Variants in XPO5 observed in about 807,000 individuals in gnomAD.
The protein encoded by XPO5 is exportin 5.
A neutral mutation model predicts 160.6 loss-of-function variants in XPO5; 46 were observed. The observed-to-expected ratio is 0.29, with a 90% CI of 0.23 to 0.37. The LOEUF (loss-of-function observed/expected upper bound fraction) is 0.37. Ranked by LOEUF, XPO5 falls within the 10% of genes least tolerant of loss-of-function variation. XPO5 has a pLI of 1.00. For missense variants in XPO5, 1,090 were observed against 1,463.9 expected (o/e 0.74, Z 4.17); for synonymous variants, 537 against 519.3 (o/e 1.03, Z -0.46).
chr6:43,546,787 A>C, intron 19 of XPO5, 35 bp from the exon 20 acceptor site: 1 of 1,504,782 alleles, frequency 6.6e-7, no homozygotes, highest in South Asian at 1.3e-5. Context: ...TAAATATTAA[A>C]AGGAAAAAAA....
At chr6:43,525,771 C>A in intron 28 of XPO5, 68 bp downstream of exon 28, 1 of 1,526,448 alleles carries the variant, frequency 6.6e-7, no homozygotes, top group South Asian at 1.2e-5. Context: ...CACCATAGAG[C>A]AAGAAAAGTA....
chr6:43,523,592 A>C lies in XPO5; in HGVS notation c.*276T>G. 1.6e-6 allele frequency: 1 copy of C among 638,552 alleles called. No individual in the cohort carries two copies. Among genetic ancestry groups the C allele is most frequent in the Non-Finnish European group, 3.0e-6 (1 of 334,494 alleles). 39.6% of individuals were successfully genotyped at this position (638,552 alleles called of 1,614,324 possible). Reference sequence around the variant, plus strand: ...TGTGGGAGAAGGGCTGCTCTGCTCTAGCTTTTCTTGGAAAAGCCAAATCTC... The same window carrying C: ...TGTGGGAGAAGGGCTGCTCTGCTCTCGCTTTTCTTGGAAAAGCCAAATCTC... On this transcript the variant is annotated 3_prime_UTR_variant, in exon 32 of 32. Coordinates refer to ENST00000265351, the MANE Select transcript of XPO5 (RefSeq NM_020750.3).
chr6:43,523,840 G>T lies in XPO5; in HGVS notation c.*28C>A. 1.2e-6 allele frequency: 2 copies of T among 1,613,986 alleles called. No individual in the cohort carries two copies. Among genetic ancestry groups the T allele is most frequent in the South Asian group, 2.2e-5 (2 of 91,082 alleles). The stretch of plus-strand genomic sequence containing the variant: ...AGGGAAAGAAGAGATGACAAGAAAG[G>T]CCGAGGAAGGATGCCCAAAAGCTTG... On this transcript the variant is annotated 3_prime_UTR_variant, in exon 32 of 32. Coordinates refer to ENST00000265351, the MANE Select transcript of XPO5 (RefSeq NM_020750.3).
rs372866945 is a variant in XPO5 at position 43,526,293 on chromosome 6, TAAGA to T, written c.2984-376_2984-373del. On this transcript the variant is annotated intron_variant, in intron 27 of 31. Coordinates refer to ENST00000265351, the MANE Select transcript of XPO5 (RefSeq NM_020750.3). ...TTTACATTCTAACATGGGAGATAGG[TAAGA>T]AAGGAATACATAAATAAAAACATAA... 64 of 358,454 alleles carry T rather than the reference TAAGA, an allele frequency of 1.8e-4. No individual in the cohort carries two copies. In the East Asian group the frequency reaches 2.3e-3, roughly 13 times the overall value. The allele number at this position is 358,454 out of a possible 1,614,324, so 22.2% of individuals were successfully genotyped here.
chr6:43,524,646 C>T lies in XPO5; in HGVS notation c.3313-11G>A. The T allele has an allele frequency of 6.2e-7, 1 of 1,611,776 alleles. No individual in the cohort carries two copies. Among genetic ancestry groups the T allele is most frequent in the Non-Finnish European group, 8.5e-7 (1 of 1,178,500 alleles). ...CAGGTACCTGGGGCGCTGATATCAGCAGGGATAAACTTACTGGATGTAGGT... is the reference window on the plus strand; with the variant it reads ...CAGGTACCTGGGGCGCTGATATCAGTAGGGATAAACTTACTGGATGTAGGT... On this transcript the variant is annotated splice_polypyrimidine_tract_variant and intron_variant, in intron 30 of 31. Transcript: ENST00000265351.
intron 9 of XPO5, 181 bp downstream of exon 9, chr6:43,562,066 T>C: frequency 2.2e-6 from 1 of 455,030 alleles, no homozygotes; most frequent in East Asian, 3.4e-5. Flanking sequence ...AAAAGAAATT[T>C]AGATCACTCA....
chr6:43,569,839 T>G (rs536092173), intron 5 of XPO5, among the ~76,000 whole-genome samples: 118 of 151,704 alleles, frequency 7.8e-4, no homozygotes, highest in African/African-American at 2.8e-3. Flanking sequence ...TCTCAGCACT[T>G]TGGGAGAGCA....
intron 30 of XPO5, 25 bp from the exon 31 acceptor site, chr6:43,524,660 C>G (rs777346837): frequency 6.2e-7 from 1 of 1,609,598 alleles, no homozygotes; most frequent in African/African-American, 1.3e-5. Flanking sequence ...GATAAACTTA[C>G]TGGATGTAGG....
Position 43,524,556 on chromosome 6 carries a change from C to A in XPO5, c.3392G>T (p.Cys1131Phe). Residue 1131 changes from cysteine (C) to phenylalanine (F), a missense_variant, in exon 31 of 32, where the codon TGC becomes TTC. By Grantham distance (205) the Cys-to-Phe change is radical. Coordinates refer to ENST00000265351, the MANE Select transcript of XPO5 (RefSeq NM_020750.3). ...IQKDSLDQFD[C>F]KLLNPSLQKV... is the part of the protein sequence containing the mutation. ...CTGCAGGGAGGGGTTTAAAAGCTTG[C>A]AGTCAAACTGGTCCAGTGAGTCCTT... is the stretch of plus-strand genomic sequence containing the variant. 2 of 1,613,998 alleles carry A rather than the reference C, an allele frequency of 1.2e-6. No individual in the cohort carries two copies. Among genetic ancestry groups the A allele is most frequent in the Non-Finnish European group, 1.7e-6 (2 of 1,179,904 alleles).
chr6:43,567,381 C>A, intron 6 of XPO5, 27 bp from the exon 7 acceptor site: 1 of 1,572,928 alleles, frequency 6.4e-7, no homozygotes, highest in Non-Finnish European at 8.6e-7. Flanking sequence ...AACTTTGGAC[C>A]ATGAAGTCCT....
chr6:43,553,196 G>A (rs1030148136), intron 14 of XPO5, among the ~76,000 whole-genome samples, 177 bp downstream of exon 14: 4 of 152,200 alleles, frequency 2.6e-5, no homozygotes, highest in Admixed American at 1.3e-4. Flanking sequence ...TAGATCCTCA[G>A]GAGCCTGAGG....
Position 43,573,665 on chromosome 6 carries a change from A to T in XPO5, c.106-64T>A, listed in dbSNP as rs1582251587. ...AGAGAATAGGGACTAAAAGAATTTC[A>T]TCTTAAGAAACTCCAACCAGGGCCG... On this transcript the variant is annotated intron_variant, in intron 1 of 31. Transcript: ENST00000265351. 5 of 1,543,946 alleles carry T rather than the reference A, an allele frequency of 3.2e-6. No individual in the cohort carries two copies. The East Asian group carries it at 1.2e-4, about 37-fold the overall frequency.
intron 17 of XPO5, among the ~76,000 whole-genome samples, chr6:43,549,147 C>T (rs1006987701): frequency 3.3e-5 from 5 of 152,268 alleles, no homozygotes; most frequent in Non-Finnish European, 5.9e-5. Context: ...CTGCAACCTC[C>T]GCCTCCTGAG....
chr6:43,565,274 G>A (rs987050908), intron 8 of XPO5, among the ~76,000 whole-genome samples: 2 of 152,016 alleles, frequency 1.3e-5, no homozygotes, highest in Non-Finnish European at 2.9e-5. Context: ...TAGCATTTAA[G>A]TAAGAACTTC....
At chr6:43,530,893 T>A in intron 22 of XPO5, 69 bp from the exon 23 acceptor site, 1 of 1,515,214 alleles carries the variant, frequency 6.6e-7, no homozygotes, top group Non-Finnish European at 8.8e-7. Context: ...CCCTGTCCCA[T>A]GAATTTCATT....
At chr6:43,526,949 A>G (rs929042838) in intron 26 of XPO5, 2 of 565,606 alleles carry the variant, frequency 3.5e-6, no homozygotes, top group African/African-American at 1.9e-5. Flanking sequence ...TTCAAGTTCA[A>G]CTAGCTGAGA....
intron 20 of XPO5, among the ~76,000 whole-genome samples, chr6:43,536,759 A>T (rs13196916): frequency 5.0e-3 from 124 of 24,916 alleles, no homozygotes; most frequent in Non-Finnish European, 7.9e-3. Context: ...GACTCTATCT[A>T]AAAAAAAAAA....
Position 43,525,110 on chromosome 6 carries a change from T to C in XPO5, c.3171A>G (p.Lys1057=). The change falls in exon 29 of 32, where the codon AAA becomes AAG. Residue 1057 remains lysine, a synonymous_variant. Coordinates refer to ENST00000265351, the MANE Select transcript of XPO5 (RefSeq NM_020750.3). ...TTSQLCWPLL[K]QVLSGTLLAD... ...GAAAAGGGGTGAATAACCATACTTGTTTGAGGAGAGGCCAGCAGAGCTGTG... is the reference window on the plus strand; with the variant it reads ...GAAAAGGGGTGAATAACCATACTTGCTTGAGGAGAGGCCAGCAGAGCTGTG... 1 of 1,573,444 alleles carries C rather than the reference T, an allele frequency of 6.4e-7. No individual in the cohort carries two copies. The highest frequency in any genetic ancestry group is 8.6e-7 in the Non-Finnish European group (1 of 1,158,778).
chr6:43,530,285 G>A (rs990476983), intron 23 of XPO5, among the ~76,000 whole-genome samples: 9 of 151,858 alleles, frequency 5.9e-5, no homozygotes, highest in East Asian at 1.9e-4. Context: ...TCAGCTGGGC[G>A]TGATGGTGCA....
Sources: allele counts gnomAD v4.1 joint callset (sites outside exome capture counted in the v4.1 genomes callset), GRCh38; gene constraint gnomAD v4.1.1; transcripts MANE v1.5; gene names NCBI Gene and HGNC (gene_info 2026-07-23, HGNC 2026-07-21).